The following SHOC1 variants were observed in gnomAD, a reference collection of about 807,000 sequenced individuals.
SHOC1 encodes the protein shortage in chiasmata 1.
A neutral mutation model predicts 179.2 loss-of-function variants in SHOC1; 136 were observed. The ratio of observed to expected loss-of-function variants is 0.76; its 90% CI spans 0.66 to 0.87. SHOC1 has a LOEUF of 0.87. SHOC1 is among the 40% of genes least tolerant of loss of function. The pLI is 0.00. For missense variants in SHOC1, 1,538 were observed against 1,700.8 expected (o/e 0.90, Z 1.68); for synonymous variants, 489 against 586.6 (o/e 0.83, Z 2.41).
intron 8 of SHOC1, among the ~76,000 whole-genome samples, 180 bp from the exon 9 acceptor site, chr9:111,748,379 A>G (rs1290119631): frequency 6.6e-6 from 1 of 152,200 alleles, no homozygotes; most frequent in Non-Finnish European, 1.5e-5. Context: ...GTAAATAACT[A>G]TTCCCCCATG....
intron 5 of SHOC1, chr9:111,759,505 G>C (rs985272963): frequency 5.3e-5 from 64 of 1,216,732 alleles, no homozygotes; most frequent in Non-Finnish European, 6.4e-5. Context: ...GCCTTGTCTG[G>C]GTTTCTTTAG....
At chr9:111,767,296 T>C (rs1269074646) in intron 5 of SHOC1, among the ~76,000 whole-genome samples, 1 of 152,204 alleles carries the variant, frequency 6.6e-6, no homozygotes, top group Admixed American at 6.5e-5. Context: ...ATCCCCAATG[T>C]TTTCTTCTAG....
At chr9:111,714,901 A>G (rs915534000) in intron 16 of SHOC1, among the ~76,000 whole-genome samples, 10 of 152,170 alleles carry the variant, frequency 6.6e-5, no homozygotes, top group Admixed American at 6.5e-4. Context: ...GTTGAATGCT[A>G]TTGCACTCTT....
intron 18 of SHOC1, among the ~76,000 whole-genome samples, chr9:111,711,696 T>C (rs560640364): frequency 6.6e-6 from 1 of 152,206 alleles, no homozygotes; most frequent in South Asian, 2.1e-4. Context: ...ATGGGTAATA[T>C]AGTAGGGGTT....
intron 8 of SHOC1, among the ~76,000 whole-genome samples, chr9:111,750,448 C>A (rs1834525333): frequency 6.6e-6 from 1 of 152,204 alleles, no homozygotes; most frequent in South Asian, 2.1e-4. Context: ...GATTCTCCTG[C>A]CTCAGCCTCC....
intron 4 of SHOC1, among the ~76,000 whole-genome samples, chr9:111,779,077 C>T (rs1048846329): frequency 7.7e-5 from 10 of 129,728 alleles, no homozygotes; most frequent in African/African-American, 2.9e-4. Flanking sequence ...CCAGCCTAGG[C>T]GACAGAGCGA....
chr9:111,775,080 C>G (rs1402554682), intron 5 of SHOC1, among the ~76,000 whole-genome samples: 1 of 151,998 alleles, frequency 6.6e-6, no homozygotes, highest in Non-Finnish European at 1.5e-5. Context: ...ACTGTAACCT[C>G]CGTCCCCTGG....
At chr9:111,790,646 A>G (rs1383897313) in intron 2 of SHOC1, among the ~76,000 whole-genome samples, 1 of 151,554 alleles carries the variant, frequency 6.6e-6, no homozygotes, top group African/African-American at 2.4e-5. Flanking sequence ...CCAGATTTCA[A>G]GTGATTCTCC....
At position 111,703,931 on chromosome 9, in the gene SHOC1, C is replaced by A. The variant is rs762921412; in HGVS notation, c.2917G>T (p.Glu973Ter). ...TCAATTGTCACCACTACATAACACT[C>A]TGAACTTCCAAAGAGTTTCAATGAC... Reference protein sequence around the residue: ...SESLKLFGSSECYVVVTIDEH... With the variant: ...SESLKLFGSS The change falls in exon 22 of 28, where the codon GAG (glutamate) becomes TAG (stop). Residue 973 changes from glutamate (E) to a stop codon, truncating the protein, a stop_gained. Transcript: ENST00000682961. LOFTEE classifies it high-confidence loss of function. 6.2e-7 allele frequency: 1 copy of A among 1,610,450 alleles called. No homozygotes were observed. Among genetic ancestry groups the A allele is most frequent in the African/African-American group, 1.3e-5 (1 of 74,858 alleles).
At chr9:111,775,739 AT>A in intron 5 of SHOC1, 51 bp downstream of exon 5, 1 of 1,455,694 alleles carries the variant, frequency 6.9e-7, no homozygotes, top group South Asian at 1.4e-5. Context: ...TGAAAAGAAT[AT>A]GTGTATATCA....
At chr9:111,782,768 T>C (rs989262245) in intron 3 of SHOC1, among the ~76,000 whole-genome samples, 13 of 152,140 alleles carry the variant, frequency 8.5e-5, no homozygotes, top group East Asian at 1.9e-4. Context: ...GCTTTCTTGC[T>C]CTTTAAGACA....
chr9:111,713,236 G>T, intron 17 of SHOC1, 64 bp from the exon 18 acceptor site: 1 of 836,506 alleles, frequency 1.2e-6, no homozygotes, highest in Non-Finnish European at 1.9e-6. Context: ...TTTTGATACA[G>T]TGACAAAATA....
chr9:111,755,207 G>A (rs891438191), intron 8 of SHOC1, among the ~76,000 whole-genome samples: 17 of 151,996 alleles, frequency 1.1e-4, no homozygotes, highest in African/African-American at 4.1e-4. Context: ...TTTGATTTAC[G>A]GAGCTGAGAT....
chr9:111,722,020 T>G (rs1833075722), intron 15 of SHOC1, among the ~76,000 whole-genome samples: 1 of 152,228 alleles, frequency 6.6e-6, no homozygotes, highest in Admixed American at 6.5e-5. Context: ...GGAGGGTAAA[T>G]CTAGTCCCTG....
At chr9:111,715,716 G>GTTTT (rs1832754436) in intron 16 of SHOC1, among the ~76,000 whole-genome samples, 1 of 152,016 alleles carries the variant, frequency 6.6e-6, no homozygotes, top group South Asian at 2.1e-4. Flanking sequence ...ATTCTGCCTA[G>GTTTT]AATAGTCTTT....
chr9:111,741,151 A>AT lies in SHOC1; in HGVS notation c.1174+324dup, dbSNP rs975344842. 1.7e-4 allele frequency among the ~76,000 whole-genome samples: 25 copies of AT among 150,806 alleles called. No homozygotes were observed. The East Asian group carries it at 1.9e-3, about 12-fold the overall frequency. On this transcript the variant is annotated intron_variant, in intron 11 of 27. Coordinates refer to ENST00000682961, the MANE Select transcript of SHOC1 (RefSeq NM_001378211.1). ...TTAGATGAGATTTTTTTTTATTTTTATTTTTTTTTACAAACAACTCACAAC... is the reference window on the plus strand; with the variant it reads ...TTAGATGAGATTTTTTTTTATTTTTATTTTTTTTTTACAAACAACTCACAAC...
At chr9:111,758,216 T>C (rs747392031) in intron 6 of SHOC1, 21 bp from the exon 7 acceptor site, 45 of 1,361,378 alleles carry the variant, frequency 3.3e-5, no homozygotes, top group Non-Finnish European at 4.4e-5. Flanking sequence ...AATACATTAA[T>C]TAGTGTTTAC....
At chr9:111,748,350 G>T (rs1834384904) in intron 8 of SHOC1, 151 bp from the exon 9 acceptor site, 2 of 594,640 alleles carry the variant, frequency 3.4e-6, no homozygotes, top group Middle Eastern at 4.2e-4. Context: ...TTATACTTCT[G>T]AAGAAAATGC....
chr9:111,749,620 C>A (rs908494761), intron 8 of SHOC1, among the ~76,000 whole-genome samples: 1 of 152,042 alleles, frequency 6.6e-6, no homozygotes, highest in Non-Finnish European at 1.5e-5. Context: ...ATCTCATCAC[C>A]GAGGTATTAA....
Sources: allele counts gnomAD v4.1 joint callset (sites outside exome capture counted in the v4.1 genomes callset), GRCh38; gene constraint gnomAD v4.1.1; transcripts MANE v1.5; gene names NCBI Gene and HGNC (gene_info 2026-07-23, HGNC 2026-07-21).